Variants in CDH18 observed in about 807,000 individuals in gnomAD.
CDH18 encodes the protein cadherin 18.
In CDH18, 31 loss-of-function variants were observed where a neutral mutation model predicts 67.9. The observed-to-expected ratio is 0.46, with a 90% CI of 0.34 to 0.62. The LOEUF (loss-of-function observed/expected upper bound fraction) is 0.62. Among genes scored for constraint, CDH18 ranks in the 20% least tolerant of loss-of-function variants. The pLI is 0.01. For missense variants in CDH18, 890 were observed against 975.5 expected (o/e 0.91, Z 1.17); for synonymous variants, 362 against 347.2 (o/e 1.04, Z -0.48).
chr5:20,559,384 G>A (rs1348058388), intron 1 of CDH18, among the ~76,000 whole-genome samples: 1 of 151,830 alleles, frequency 6.6e-6, no homozygotes, highest in Non-Finnish European at 1.5e-5. Flanking sequence ...ATTTTAACTG[G>A]GGTAAATCAA....
chr5:20,547,842 T>G (rs1454792459), intron 1 of CDH18, among the ~76,000 whole-genome samples: 1 of 152,104 alleles, frequency 6.6e-6, no homozygotes, highest in East Asian at 1.9e-4. Flanking sequence ...TTGATTAACA[T>G]TTTTTGTCAT....
intron 5 of CDH18, among the ~76,000 whole-genome samples, chr5:19,713,063 T>G (rs1764912515): frequency 6.7e-6 from 1 of 150,072 alleles, no homozygotes; most frequent in Non-Finnish European, 1.5e-5. Flanking sequence ...TATTAATAGC[T>G]AATATATTTG....
intron 2 of CDH18, among the ~76,000 whole-genome samples, chr5:19,910,040 A>AT (rs760881029): frequency 1.3e-5 from 2 of 151,990 alleles, no homozygotes; most frequent in Non-Finnish European, 2.9e-5. Context: ...TCCCAAGTAG[A>AT]TTTTTCTCTT....
intron 2 of CDH18, among the ~76,000 whole-genome samples, chr5:20,018,703 A>G (rs1338087172): frequency 6.6e-6 from 1 of 152,230 alleles, no homozygotes; most frequent in Non-Finnish European, 1.5e-5. Context: ...TTCCTATGGA[A>G]TAAAAATGAA....
At chr5:20,470,066 C>G (rs1053973455) in intron 1 of CDH18, among the ~76,000 whole-genome samples, 2 of 152,160 alleles carry the variant, frequency 1.3e-5, no homozygotes, top group Non-Finnish European at 2.9e-5. Context: ...AGCTCAACTT[C>G]CTGACTTCTT....
chr5:20,301,988 A>AT, intron 1 of CDH18, among the ~76,000 whole-genome samples: 1 of 151,852 alleles, frequency 6.6e-6, no homozygotes, highest in Admixed American at 6.6e-5. Flanking sequence ...GGCATAACAA[A>AT]TTTTTTTGCT....
intron 5 of CDH18, among the ~76,000 whole-genome samples, chr5:19,623,473 T>C (rs913234490): frequency 6.6e-6 from 1 of 152,198 alleles, no homozygotes; most frequent in Non-Finnish European, 1.5e-5. Context: ...AAATAGCTTA[T>C]TCATGTGGCT....
chr5:20,043,590 T>C (rs1158244365), intron 2 of CDH18, among the ~76,000 whole-genome samples: 4 of 152,176 alleles, frequency 2.6e-5, no homozygotes, highest in Non-Finnish European at 5.9e-5. Flanking sequence ...GTGTTATGGA[T>C]ATATAGAATG....
chr5:19,595,358 G>T (rs929116685), intron 6 of CDH18, among the ~76,000 whole-genome samples: 1 of 152,158 alleles, frequency 6.6e-6, no homozygotes. Flanking sequence ...TAAATGGAAA[G>T]ACATTCAGTG....
rs59083214 is a variant in CDH18, at chr5:20,336,724, C to CAAAAAAAAAAA, written c.-579-81230_-579-81220dup. Among the ~76,000 whole-genome samples the CAAAAAAAAAAA allele has an allele frequency of 8.6e-3, 546 of 63,468 alleles. 62 individuals are homozygous for CAAAAAAAAAAA. Among genetic ancestry groups the CAAAAAAAAAAA allele is most frequent in the Non-Finnish European group, 0.011 (395 of 35,870 alleles). The allele number at this position is 63,468 out of a possible 152,430, so 41.6% of individuals were successfully genotyped here. On this transcript the variant is annotated intron_variant, in intron 1 of 14. Transcript: ENST00000507958. ...GGCAACAGAGAGGGAGCCTCTGTCT[C>CAAAAAAAAAAA]AAAAAAAAAAAAAAAAAAAAAAAAA...
intron 2 of CDH18, among the ~76,000 whole-genome samples, chr5:20,203,572 T>A (rs1239990256): frequency 4.9e-5 from 5 of 102,680 alleles, no homozygotes; most frequent in South Asian, 3.3e-4. Flanking sequence ...AGTGACCTAG[T>A]GGAGGGAAAA....
intron 11 of CDH18, among the ~76,000 whole-genome samples, chr5:19,489,861 T>G (rs1741105847): frequency 6.6e-6 from 1 of 152,156 alleles, no homozygotes; most frequent in South Asian, 2.1e-4. Flanking sequence ...AGTGTTAATT[T>G]AAAGAGGAGG....
rs574520254 is a variant in CDH18, at chr5:19,924,952, G to A, written c.-257+56108C>T. Among the ~76,000 whole-genome samples the A allele has an allele frequency of 5.3e-5, 8 of 152,240 alleles. No homozygotes were observed. The East Asian group carries it at 9.7e-4, about 18-fold the overall frequency. ...TGAACAAGGCAGGGATTGGGGTACC[G>A]ATGCTAAGCCATCAAATTTCCACAT... On this transcript the variant is annotated intron_variant, in intron 2 of 12. Transcript: ENST00000382275.
intron 1 of CDH18, among the ~76,000 whole-genome samples, chr5:20,338,704 T>G (rs1739994647): frequency 6.6e-6 from 1 of 152,230 alleles, no homozygotes; most frequent in South Asian, 2.1e-4. Context: ...TCATTCCCTT[T>G]TTCTGTGATG....
In CDH18 at chr5:19,839,215, T is replaced by C; in HGVS notation, c.-229A>G. On this transcript the variant is annotated 5_prime_UTR_variant, in exon 3 of 13. Transcript: ENST00000382275. ...GTTGTCTGATTCCAACTCTTCACAGTAGTTGAACACAAGCAACCATTTTCA... is the reference window on the plus strand; with the variant it reads ...GTTGTCTGATTCCAACTCTTCACAGCAGTTGAACACAAGCAACCATTTTCA... The C allele has an allele frequency of 2.0e-6, 1 of 490,218 alleles. No individual in the cohort carries two copies. The highest frequency in any genetic ancestry group is 3.7e-6 in the Non-Finnish European group (1 of 273,882). The allele number at this position is 490,218 out of a possible 1,614,324, so 30.4% of individuals were successfully genotyped here.
At chr5:20,022,474 T>C (rs1738514759) in intron 2 of CDH18, among the ~76,000 whole-genome samples, 2 of 152,198 alleles carry the variant, frequency 1.3e-5, no homozygotes, top group South Asian at 4.1e-4. Context: ...ACATCTTAAA[T>C]AAATACACAA....
chr5:19,482,365 C>T (rs1045021518), intron 12 of CDH18, among the ~76,000 whole-genome samples: 2 of 152,122 alleles, frequency 1.3e-5, no homozygotes, highest in African/African-American at 4.8e-5. Context: ...ATCCGCCCGC[C>T]TCGGCCTCCC....
chr5:20,082,012 T>C (rs761445284), intron 2 of CDH18, among the ~76,000 whole-genome samples: 31 of 152,294 alleles, frequency 2.0e-4, no homozygotes, highest in Admixed American at 4.6e-4. Context: ...TGGTGATCTA[T>C]ATATATGCAG....
intron 2 of CDH18, among the ~76,000 whole-genome samples, chr5:20,003,822 C>CG (rs1736652123): frequency 6.6e-6 from 1 of 152,092 alleles, no homozygotes; most frequent in Non-Finnish European, 1.5e-5. Flanking sequence ...GGCGTGAGCC[C>CG]GGAGGTGGAG....
Sources: gnomAD v4.1 joint callset for allele counts (sites outside exome capture counted in the v4.1 genomes callset) on GRCh38, gnomAD v4.1.1 for gene constraint, MANE v1.5 for transcripts, NCBI Gene and HGNC (gene_info 2026-07-23, HGNC 2026-07-21) for gene names.